TENM3: variants seen among roughly 807,000 people sequenced by gnomAD.
TENM3 encodes teneurin-3.
A neutral mutation model predicts 255.1 loss-of-function variants in TENM3; 63 were observed. The ratio of observed to expected loss-of-function variants is 0.25; its 90% CI spans 0.20 to 0.30. The LOEUF (loss-of-function observed/expected upper bound fraction) is 0.30, where lower values mean the gene tolerates loss of function less well. Ranked by LOEUF, TENM3 falls within the 10% of genes least tolerant of loss-of-function variation. The pLI is 1.00. For synonymous variants in TENM3, 1,306 were observed against 1,322.3 expected (o/e 0.99, Z 0.27); for missense variants, 2,929 against 3,461.1 (o/e 0.85, Z 3.86).
the TENM3 span, among the ~76,000 whole-genome samples, chr4:181,565,914 T>C: frequency 2.6e-5 from 4 of 152,182 alleles, no homozygotes; most frequent in Non-Finnish European, 5.9e-5. Flanking sequence ...AGTGCGGAAG[T>C]AATCACAAAA....
At chr4:182,538,619 G>A (rs1740567014) in intron 3 of TENM3, among the ~76,000 whole-genome samples, 1 of 152,166 alleles carries the variant, frequency 6.6e-6, no homozygotes, top group Non-Finnish European at 1.5e-5. Flanking sequence ...CTGGGGGTTA[G>A]AAGGATGTGA....
At chr4:182,340,507 C>G (rs1339516681) in intron 2 of TENM3, among the ~76,000 whole-genome samples, 3 of 152,044 alleles carry the variant, frequency 2.0e-5, no homozygotes, top group Non-Finnish European at 2.9e-5. Context: ...GTTTCTTAAA[C>G]CTGTTTTTTG....
At chr4:181,620,413 G>T in the TENM3 span, among the ~76,000 whole-genome samples, 1 of 152,110 alleles carries the variant, frequency 6.6e-6, no homozygotes. Flanking sequence ...ACGCACAAAA[G>T]GTTGGCTCTC....
intron 24 of TENM3, among the ~76,000 whole-genome samples, chr4:182,778,620 C>T (rs568794441): frequency 6.6e-6 from 1 of 152,312 alleles, no homozygotes; most frequent in Admixed American, 6.5e-5. Flanking sequence ...TGGTATCACT[C>T]CCTGGGAAAA....
intron 3 of TENM3, among the ~76,000 whole-genome samples, chr4:182,454,937 G>A (rs972753113): frequency 5.3e-5 from 8 of 152,246 alleles, no homozygotes; most frequent in Middle Eastern, 3.4e-3. Context: ...GGAGTTTAGC[G>A]TATGCTTCAC....
the TENM3 span, among the ~76,000 whole-genome samples, chr4:181,594,027 C>T: frequency 6.7e-6 from 1 of 148,734 alleles, no homozygotes; most frequent in Non-Finnish European, 1.5e-5. Flanking sequence ...TTGGTGGTGG[C>T]TGCTTCAATG....
At chr4:182,358,760 A>G (rs1422807081) in intron 3 of TENM3, among the ~76,000 whole-genome samples, 2 of 146,580 alleles carry the variant, frequency 1.4e-5, no homozygotes, top group Non-Finnish European at 3.0e-5. Context: ...ACTATGTTGA[A>G]TAGGAGTGGT....
At position 182,260,226 on chromosome 4, in the gene TENM3, T is replaced by C. The variant is rs896325804; in HGVS notation, c.-76+16750T>C. Among the ~76,000 whole-genome samples the C allele has an allele frequency of 5.9e-5, 9 of 152,344 alleles. No homozygotes were observed. In the East Asian group the frequency reaches 1.7e-3, roughly 29 times the overall value. ...GAGCACAGATCTCTCTTCAATATAC[T>C]GACTTCCTTTCTTGTGGGTAGATAC... On this transcript the variant is annotated intron_variant, in intron 1 of 27. Transcript: ENST00000511685.
chr4:182,283,851 C>A (rs896895045), intron 1 of TENM3, among the ~76,000 whole-genome samples: 2 of 152,070 alleles, frequency 1.3e-5, no homozygotes, highest in African/African-American at 4.8e-5. Flanking sequence ...CGATTTCTGA[C>A]ATTTTTCACA....
chr4:181,993,451 T>G, the TENM3 span, among the ~76,000 whole-genome samples: 1 of 152,182 alleles, frequency 6.6e-6, no homozygotes, highest in South Asian at 2.1e-4. Context: ...AACTTCTATC[T>G]ACTTATTTGG....
chr4:182,338,610 A>G (rs1764288299), intron 2 of TENM3, among the ~76,000 whole-genome samples: 1 of 152,222 alleles, frequency 6.6e-6, no homozygotes, highest in African/African-American at 2.4e-5. Context: ...ATATAACATG[A>G]AAGTTGTACA....
the TENM3 span, among the ~76,000 whole-genome samples, chr4:181,885,001 T>A: frequency 6.6e-6 from 1 of 152,220 alleles, no homozygotes; most frequent in Non-Finnish European, 1.5e-5. Context: ...GTTTAAAAAA[T>A]TACACTTTCT....
chr4:182,264,573 T>G (rs112302979), intron 1 of TENM3, among the ~76,000 whole-genome samples: 2 of 152,246 alleles, frequency 1.3e-5, no homozygotes, highest in African/African-American at 4.8e-5. Context: ...TGTAGCTCAG[T>G]AGCTAAGGTT....
At chr4:181,956,866 A>C in the TENM3 span, among the ~76,000 whole-genome samples, 411 of 152,342 alleles carry the variant, frequency 2.7e-3, 3 homozygotes, top group African/African-American at 9.1e-3. Context: ...ACAAATATTT[A>C]TTAATTCAAA....
intron 12 of TENM3, among the ~76,000 whole-genome samples, chr4:182,700,719 ACT>A (rs1268642707): frequency 6.6e-6 from 1 of 151,916 alleles, no homozygotes; most frequent in Admixed American, 6.6e-5. Flanking sequence ...TTTCCATTAA[ACT>A]CTGTTGGTTG....
intron 3 of TENM3, among the ~76,000 whole-genome samples, chr4:182,437,260 C>A (rs1772118515): frequency 6.6e-6 from 1 of 151,996 alleles, no homozygotes; most frequent in South Asian, 2.1e-4. Flanking sequence ...ATAAACAAAC[C>A]AAAGCTTGAT....
At chr4:181,980,209 T>A in the TENM3 span, 1 of 152,220 alleles carries the variant, frequency 6.6e-6, no homozygotes, top group Admixed American at 6.5e-5. Flanking sequence ...TATTCCACAG[T>A]GTGGGTAAGG....
At chr4:182,569,957 T>G (rs2152012019) in intron 3 of TENM3, among the ~76,000 whole-genome samples, 1 of 152,310 alleles carries the variant, frequency 6.6e-6, no homozygotes, top group South Asian at 2.1e-4. Context: ...TATATTAGGG[T>G]AAATAAAATG....
At chr4:182,201,557 G>A (rs1220024380) in intron 1 of TENM3, among the ~76,000 whole-genome samples, 1 of 151,918 alleles carries the variant, frequency 6.6e-6, no homozygotes, top group Non-Finnish European at 1.5e-5. Context: ...CAGACCTTGG[G>A]GCAGGAGTTG....
Sources: allele counts gnomAD v4.1 joint callset (sites outside exome capture counted in the v4.1 genomes callset), GRCh38; gene constraint gnomAD v4.1.1; transcripts MANE v1.5; gene names NCBI Gene and HGNC (gene_info 2026-07-23, HGNC 2026-07-21).